KIRREL3: variants seen among roughly 807,000 people sequenced by gnomAD.
KIRREL3 encodes the protein kin of IRRE-like protein 3.
KIRREL3 carries 36 observed loss-of-function variants against 89.7 expected under a neutral mutation model. The observed-to-expected ratio is 0.40, with a 90% CI of 0.31 to 0.53. The LOEUF (loss-of-function observed/expected upper bound fraction) is 0.53, where lower values mean the gene tolerates loss of function less well. KIRREL3 is among the 20% of genes least tolerant of loss of function. The pLI is 0.49. For synonymous variants in KIRREL3, 445 were observed against 441.4 expected, an observed-to-expected ratio of 1.01 and a Z score of -0.10; for missense variants, 864 against 1,056.6, an observed-to-expected ratio of 0.82 and a Z score of 2.53.
chr11:126,595,208 G>A (rs771274703), intron 1 of KIRREL3, among the ~76,000 whole-genome samples: 1 of 152,270 alleles, frequency 6.6e-6, no homozygotes, highest in Non-Finnish European at 1.5e-5. Context: ...GGGCTGAAGA[G>A]GGTGGATGTC....
chr11:126,944,152 C>T (rs187612343), intron 1 of KIRREL3, among the ~76,000 whole-genome samples: 2 of 152,176 alleles, frequency 1.3e-5, no homozygotes, highest in East Asian at 3.9e-4. Flanking sequence ...CAGATTACAC[C>T]CTTTGGTCCT....
Position 126,429,150 on chromosome 11 carries a change from G to T in KIRREL3, c.1806+29C>A. On this transcript the variant is annotated intron_variant, in intron 15 of 16. Coordinates refer to ENST00000525144, the MANE Select transcript of KIRREL3 (RefSeq NM_032531.4). The surrounding 1 kb of genome is among the most constrained non-coding windows in gnomAD (Gnocchi z 5.2). ...GGACCTTCTGGGAATGGAGTCACGGGATGGGATGGGGCGTAATTGCATTCT... is the reference window on the plus strand; with the variant it reads ...GGACCTTCTGGGAATGGAGTCACGGTATGGGATGGGGCGTAATTGCATTCT... The T allele has an allele frequency of 7.1e-7, 1 of 1,409,540 alleles. No homozygotes were observed. The highest frequency in any genetic ancestry group is 1.0e-6 in the Non-Finnish European group (1 of 996,454). The allele number at this position is 1,409,540 out of a possible 1,614,324, so 87.3% of individuals were successfully genotyped here.
chr11:126,572,577 C>T (rs1941013251), intron 1 of KIRREL3, among the ~76,000 whole-genome samples: 2 of 140,720 alleles, frequency 1.4e-5, no homozygotes, highest in South Asian at 2.2e-4. Flanking sequence ...AGGGGACCCC[C>T]CCCCCGCCAA....
rs1940336898 is a variant in KIRREL3 at position 126,564,119 on chromosome 11, C to T, written c.56-1207G>A. On this transcript the variant is annotated intron_variant, in intron 1 of 16. Coordinates refer to ENST00000525144, the MANE Select transcript of KIRREL3 (RefSeq NM_032531.4). The surrounding 1 kb of genome is among the most constrained non-coding windows in gnomAD (Gnocchi z 7.4). The stretch of plus-strand genomic sequence containing the variant: ...CCTGGCCCTTGCCAGGGTTTCTGGG[C>T]TCCTCCCTGCTCCTTCCTTTGATTT... Among the ~76,000 whole-genome samples the T allele has an allele frequency of 6.6e-6, 1 of 152,358 alleles. No homozygotes were observed. Among genetic ancestry groups the T allele is most frequent in the Non-Finnish European group, 1.5e-5 (1 of 68,036 alleles).
intron 1 of KIRREL3, chr11:126,944,352 G>A (rs946260754): frequency 6.6e-6 from 1 of 152,180 alleles, no homozygotes; most frequent in African/African-American, 2.4e-5. Flanking sequence ...CCATGAACCC[G>A]GGGATAAGTG....
intron 1 of KIRREL3, among the ~76,000 whole-genome samples, chr11:126,621,581 A>T (rs916631506): frequency 1.3e-5 from 2 of 152,224 alleles, no homozygotes; most frequent in African/African-American, 4.8e-5. Context: ...TACTACTCTT[A>T]GATACACTCT....
intron 1 of KIRREL3, among the ~76,000 whole-genome samples, chr11:126,833,751 T>A (rs1459048614): frequency 2.0e-5 from 3 of 152,196 alleles, no homozygotes; most frequent in African/African-American, 7.2e-5. Flanking sequence ...AAATGCTGAT[T>A]TCAAATCACA....
Position 126,724,762 on chromosome 11 carries a change from G to C in KIRREL3, c.56-161850C>G, listed in dbSNP as rs61897897. Among the ~76,000 whole-genome samples the C allele has an allele frequency of 0.075, 11,456 of 152,116 alleles. 660 individuals carry two copies. Among genetic ancestry groups the C allele is most frequent in the African/African-American group, 0.16 (6,729 of 41,470 alleles). ...CCTGCTTATGGGCCAAGGGTTCTTA[G>C]TATTAGATAAGAGTCAGGATTATTA... On this transcript the variant is annotated intron_variant, in intron 1 of 16. Transcript: ENST00000525144. The surrounding 1 kb of genome is among the most constrained non-coding windows in gnomAD (Gnocchi z 4.3).
In KIRREL3 at chr11:126,526,401, C is replaced by G; in HGVS notation, c.283+137G>C. 1.2e-6 allele frequency: 1 copy of G among 849,770 alleles called. No individual in the cohort carries two copies. Among genetic ancestry groups the G allele is most frequent in the Non-Finnish European group, 1.8e-6 (1 of 551,614 alleles). 52.6% of individuals were successfully genotyped at this position (849,770 alleles called of 1,614,324 possible). On this transcript the variant is annotated intron_variant, in intron 3 of 16. Transcript: ENST00000525144. The surrounding 1 kb of genome is among the most constrained non-coding windows in gnomAD (Gnocchi z 5.7). Reference sequence around the variant, plus strand: ...GGTGCAGTGCTTGCCTAGCCTGACTCTGCCTGAGGAGTTGCAGTGAAAGCT... The same window carrying G: ...GGTGCAGTGCTTGCCTAGCCTGACTGTGCCTGAGGAGTTGCAGTGAAAGCT...
Position 126,615,664 on chromosome 11 carries a change from A to G in KIRREL3, c.56-52752T>C, listed in dbSNP as rs1444485773. ...AGTCCCAGATGATGATGGAGCCAGGAGCTGAGTAGATTTTTAGAGTCTGAG... is the reference window on the plus strand; with the variant it reads ...AGTCCCAGATGATGATGGAGCCAGGGGCTGAGTAGATTTTTAGAGTCTGAG... On this transcript the variant is annotated intron_variant, in intron 1 of 16. Transcript: ENST00000525144. This position sits in a 1 kb window ranked among gnomAD's most constrained non-coding sequence, Gnocchi z 5.4. Among the ~76,000 whole-genome samples the G allele has an allele frequency of 6.6e-6, 1 of 152,166 alleles. No homozygotes were observed. Among genetic ancestry groups the G allele is most frequent in the Non-Finnish European group, 1.5e-5 (1 of 68,036 alleles).
At position 126,562,953 on chromosome 11, in the gene KIRREL3, A is replaced by G; in HGVS notation, c.56-41T>C. On this transcript the variant is annotated intron_variant, in intron 1 of 16. Coordinates refer to ENST00000525144, the MANE Select transcript of KIRREL3 (RefSeq NM_032531.4). This position sits in a 1 kb window ranked among gnomAD's most constrained non-coding sequence, Gnocchi z 4.7. ...AGGTGGGTGAGTTGGGAATGGGAACAGGTCAGGCATTGTTGGGGGGCCCTC... is the reference window on the plus strand; with the variant it reads ...AGGTGGGTGAGTTGGGAATGGGAACGGGTCAGGCATTGTTGGGGGGCCCTC... The G allele has an allele frequency of 1.3e-6, 2 of 1,537,018 alleles. No individual in the cohort carries two copies. Among genetic ancestry groups the G allele is most frequent in the Non-Finnish European group, 1.8e-6 (2 of 1,111,730 alleles).
chr11:126,451,190 C>A (rs1408238068), intron 7 of KIRREL3, among the ~76,000 whole-genome samples: 5 of 121,232 alleles, frequency 4.1e-5, no homozygotes, highest in Non-Finnish European at 8.5e-5. Context: ...TGAATGTGGC[C>A]GTGTGTGTGC....
intron 1 of KIRREL3, among the ~76,000 whole-genome samples, chr11:126,938,557 A>G (rs1948302293): frequency 6.6e-6 from 1 of 152,226 alleles, no homozygotes; most frequent in Admixed American, 6.5e-5. Context: ...ACTTCCTAGG[A>G]TTAGGCAACC....
chr11:126,547,991 C>T (rs1409104386), intron 2 of KIRREL3, among the ~76,000 whole-genome samples: 1 of 152,140 alleles, frequency 6.6e-6, no homozygotes, highest in African/African-American at 2.4e-5. Flanking sequence ...ATAACACTAC[C>T]CACTTTGTGA....
intron 1 of KIRREL3, among the ~76,000 whole-genome samples, chr11:126,823,989 A>G (rs1943320347): frequency 6.6e-6 from 1 of 152,156 alleles, no homozygotes; most frequent in Non-Finnish European, 1.5e-5. Flanking sequence ...GCATCTCTCA[A>G]AATAAGATCA....
chr11:126,690,166 A>G (rs923948277), intron 1 of KIRREL3, among the ~76,000 whole-genome samples: 2 of 152,182 alleles, frequency 1.3e-5, no homozygotes, highest in Non-Finnish European at 2.9e-5. Flanking sequence ...CTTTATCTGT[A>G]GTGCGGACTA....
At position 126,977,091 on chromosome 11, in the gene KIRREL3, A is replaced by T. The variant is rs1379595553; in HGVS notation, c.55+23364T>A. 1.3e-5 allele frequency among the ~76,000 whole-genome samples: 2 copies of T among 152,152 alleles called. No homozygotes were observed. Among genetic ancestry groups the T allele is most frequent in the Non-Finnish European group, 2.9e-5 (2 of 68,028 alleles). ...TCTTCTTCCTTCTTGAAACCTAAAA[A>T]AATCTCTCTTTTCCTTTTTTCTTTT... On this transcript the variant is annotated intron_variant, in intron 1 of 16. Transcript: ENST00000525144. This position sits in a 1 kb window ranked among gnomAD's most constrained non-coding sequence, Gnocchi z 4.7.
At chr11:126,901,075 A>G (rs958614671) in intron 1 of KIRREL3, among the ~76,000 whole-genome samples, 1 of 152,064 alleles carries the variant, frequency 6.6e-6, no homozygotes, top group Non-Finnish European at 1.5e-5. Flanking sequence ...TTAACTGTGC[A>G]TGGTGGCGCA....
At chr11:126,920,788 C>T (rs954119044) in intron 1 of KIRREL3, among the ~76,000 whole-genome samples, 3 of 152,192 alleles carry the variant, frequency 2.0e-5, no homozygotes, top group Non-Finnish European at 4.4e-5. Context: ...GTCCTAACAT[C>T]GTACCTTCCT....
Sources: gnomAD v4.1 joint callset for allele counts (sites outside exome capture counted in the v4.1 genomes callset) on GRCh38, gnomAD v4.1.1 for gene constraint, Gnocchi (gnomAD v3.1) non-coding constraint, MANE v1.5 for transcripts, NCBI Gene and HGNC (gene_info 2026-07-23, HGNC 2026-07-21) for gene names.